PCSK5: variants seen among roughly 807,000 people sequenced by gnomAD.
PCSK5 encodes prohormone convertase 5.
A neutral mutation model predicts 233.2 loss-of-function variants in PCSK5; 129 were observed. The observed-to-expected ratio is 0.55, with a 90% CI of 0.48 to 0.64. PCSK5 has a LOEUF of 0.64. Ranked by LOEUF, PCSK5 falls within the 30% of genes least tolerant of loss-of-function variation. The pLI is 0.00. For missense variants in PCSK5, 2,076 were observed against 2,430.1 expected (o/e 0.85, Z 3.06); for synonymous variants, 825 against 879.2 (o/e 0.94, Z 1.09).
intron 24 of PCSK5, among the ~76,000 whole-genome samples, chr9:76,270,348 G>C (rs915160055): frequency 1.3e-5 from 2 of 152,170 alleles, no homozygotes; most frequent in Admixed American, 1.3e-4. Flanking sequence ...GGGAATGGAA[G>C]GTTGTGTTTG....
intron 1 of PCSK5, among the ~76,000 whole-genome samples, chr9:75,895,810 G>A (rs1427507263): frequency 6.6e-6 from 1 of 152,156 alleles, no homozygotes; most frequent in African/African-American, 2.4e-5. Flanking sequence ...AGATACATTC[G>A]CAGGGAGAAC....
intron 10 of PCSK5, among the ~76,000 whole-genome samples, chr9:76,141,355 A>C (rs1823217225): frequency 6.6e-6 from 1 of 152,164 alleles, no homozygotes; most frequent in East Asian, 1.9e-4. Context: ...AAACAAAAAA[A>C]TTCACTCAGC....
At chr9:76,286,145 T>A (rs189865519) in intron 24 of PCSK5, among the ~76,000 whole-genome samples, 181 of 152,282 alleles carry the variant, frequency 1.2e-3, no homozygotes, top group African/African-American at 4.2e-3. Flanking sequence ...AGGTCATTTT[T>A]CCCCCCATAA....
intron 5 of PCSK5, among the ~76,000 whole-genome samples, chr9:76,033,810 G>T (rs1828744249): frequency 6.6e-6 from 1 of 151,994 alleles, no homozygotes; most frequent in Non-Finnish European, 1.5e-5. Context: ...AAGCCCCTCA[G>T]GCCTCTTTAA....
intron 8 of PCSK5, among the ~76,000 whole-genome samples, chr9:76,106,089 A>C (rs191152310): frequency 2.0e-5 from 3 of 152,352 alleles, no homozygotes; most frequent in Admixed American, 1.3e-4. Context: ...AGCACTTTGA[A>C]GGAGAGGCCT....
rs182176326 is a variant in PCSK5 at position 76,040,847 on chromosome 9, C to T, written c.632+13810C>T. 2.0e-5 allele frequency among the ~76,000 whole-genome samples: 3 copies of T among 152,152 alleles called. No homozygotes were observed. The East Asian group carries it at 5.8e-4, about 29-fold the overall frequency. On this transcript the variant is annotated intron_variant, in intron 5 of 37. Transcript: ENST00000674117. ...TCATTTAGAAAGGATTTCTGAATAC[C>T]TAGTAGAAACATAGCAGTGTTTTGG... is the stretch of plus-strand genomic sequence containing the variant.
At chr9:76,342,695 G>A (rs919361781) in intron 35 of PCSK5, among the ~76,000 whole-genome samples, 13 of 152,092 alleles carry the variant, frequency 8.5e-5, no homozygotes, top group Non-Finnish European at 1.6e-4. Context: ...CTGAGCTCCG[G>A]TTCCATACAT....
intron 28 of PCSK5, among the ~76,000 whole-genome samples, chr9:76,303,272 C>T (rs567608003): frequency 7.2e-5 from 11 of 152,252 alleles, no homozygotes; most frequent in African/African-American, 2.6e-4. Context: ...CTCTTGGCTT[C>T]AAGCTATCCT....
intron 2 of PCSK5, among the ~76,000 whole-genome samples, chr9:75,971,990 A>G (rs999684653): frequency 3.3e-5 from 5 of 152,104 alleles, no homozygotes; most frequent in African/African-American, 4.8e-5. Context: ...TCATCATGAA[A>G]TCTTTGCCCA....
chr9:76,347,706 C>T (rs750624827), intron 35 of PCSK5, among the ~76,000 whole-genome samples: 11 of 149,148 alleles, frequency 7.4e-5, no homozygotes, highest in Non-Finnish European at 1.3e-4. Flanking sequence ...GCCTGGCCAA[C>T]ATGGTGAAAC....
At chr9:76,224,125 C>T (rs980301533) in intron 20 of PCSK5, among the ~76,000 whole-genome samples, 1 of 152,130 alleles carries the variant, frequency 6.6e-6, no homozygotes, top group Non-Finnish European at 1.5e-5. Context: ...AAGTTTTCAC[C>T]ATTTTGTTTC....
chr9:76,325,368 C>T (rs72743127), intron 32 of PCSK5, among the ~76,000 whole-genome samples: 9,623 of 152,248 alleles, frequency 0.063, 357 homozygotes, highest in Non-Finnish European at 0.079. Flanking sequence ...TTAATTATCT[C>T]CTTGAGAAAG....
At chr9:76,001,339 C>G (rs1171221759) in intron 3 of PCSK5, among the ~76,000 whole-genome samples, 1 of 151,790 alleles carries the variant, frequency 6.6e-6, no homozygotes, top group Admixed American at 6.6e-5. Flanking sequence ...AAATATTTCT[C>G]TCTCTCTAAG....
rs1307594016 is a variant in PCSK5 at position 76,227,606 on chromosome 9, G to A, written c.2729+1G>A. On this transcript the variant is annotated splice_donor_variant, in intron 21 of 37. Coordinates refer to ENST00000674117, the MANE Select transcript of PCSK5 (RefSeq NM_001372043.1). LOFTEE classifies it high-confidence loss of function. ...ACTGCACTACCTGCCCCATGACAAG[G>A]TAAGTGGCTTCTCAGGATCTCCCGG... 7 of 1,600,256 alleles carry A rather than the reference G, an allele frequency of 4.4e-6. No homozygotes were observed. The African/African-American group carries it at 6.7e-5, about 15-fold the overall frequency.
At position 75,895,801 on chromosome 9, in the gene PCSK5, G is replaced by C. The variant is rs556127478; in HGVS notation, c.192+4428G>C. 3.3e-5 allele frequency among the ~76,000 whole-genome samples: 5 copies of C among 152,322 alleles called. No homozygotes were observed. The South Asian group carries it at 6.2e-4, about 19-fold the overall frequency. On this transcript the variant is annotated intron_variant, in intron 1 of 37. Transcript: ENST00000674117. ...AGCATTTTCCAAGTAGGTAGGAAGA[G>C]ATACATTCGCAGGGAGAACTTTGTT...
chr9:76,150,850 G>A (rs1183510536), intron 10 of PCSK5, among the ~76,000 whole-genome samples: 1 of 152,108 alleles, frequency 6.6e-6, no homozygotes, highest in African/African-American at 2.4e-5. Context: ...ATAAGACAGA[G>A]GAAGAAGTAA....
At chr9:76,070,527 G>T (rs1213278729) in intron 6 of PCSK5, among the ~76,000 whole-genome samples, 1 of 152,036 alleles carries the variant, frequency 6.6e-6, no homozygotes, top group East Asian at 1.9e-4. Flanking sequence ...AAGGATAAAG[G>T]GTCACATCTG....
chr9:76,055,302 C>A (rs963960111), intron 5 of PCSK5, among the ~76,000 whole-genome samples: 4 of 152,028 alleles, frequency 2.6e-5, no homozygotes, highest in Admixed American at 6.6e-5. Context: ...GTTTTTAAGG[C>A]CTCGTGGACT....
chr9:76,061,573 G>A (rs1181316901), intron 5 of PCSK5, among the ~76,000 whole-genome samples: 1 of 151,896 alleles, frequency 6.6e-6, no homozygotes, highest in East Asian at 1.9e-4. Flanking sequence ...GACTAATGAA[G>A]GATTATAGTT....
Sources: gnomAD v4.1 joint callset for allele counts (sites outside exome capture counted in the v4.1 genomes callset) on GRCh38, gnomAD v4.1.1 for gene constraint, MANE v1.5 for transcripts, NCBI Gene and HGNC (gene_info 2026-07-23, HGNC 2026-07-21) for gene names.